CELF2: variants seen among roughly 807,000 people sequenced by gnomAD.
The protein encoded by CELF2 is CUG triplet repeat RNA-binding protein 2.
CELF2 carries 8 observed loss-of-function variants against 62.6 expected under a neutral mutation model. That is an observed-to-expected ratio of 0.13 (90% CI 0.07 to 0.23). The LOEUF (loss-of-function observed/expected upper bound fraction) is 0.23, where lower values mean the gene tolerates loss of function less well. Among genes scored for constraint, CELF2 ranks in the 10% least tolerant of loss-of-function variants. The pLI, the probability that CELF2 is intolerant of heterozygous loss-of-function variation, is 1.00. For synonymous variants in CELF2, 258 were observed against 250.0 expected (o/e 1.03, Z -0.30); for missense variants, 333 against 671.0 (o/e 0.50, Z 5.56).
At chr10:10,906,441 G>A (rs952539691) in intron 1 of CELF2, among the ~76,000 whole-genome samples, 3 of 152,150 alleles carry the variant, frequency 2.0e-5, no homozygotes, top group African/African-American at 7.2e-5. Context: ...CTGCCCTCAT[G>A]GAATCTACAG....
At chr10:11,284,305 C>G (rs62650661) in intron 8 of CELF2, among the ~76,000 whole-genome samples, 1 of 1,842 alleles carries the variant, frequency 5.4e-4, no homozygotes, top group Non-Finnish European at 9.0e-4. Context: ...TGGTGGGTGG[C>G]TGAGGGATGA....
At chr10:11,323,523 T>C (rs2095563203) in intron 11 of CELF2, among the ~76,000 whole-genome samples, 2 of 152,020 alleles carry the variant, frequency 1.3e-5, no homozygotes, top group South Asian at 4.2e-4. Flanking sequence ...GTGTGTTTTT[T>C]CCCCAGACAG....
the CELF2 span, among the ~76,000 whole-genome samples, chr10:10,476,981 A>T: frequency 6.6e-6 from 1 of 152,206 alleles, no homozygotes; most frequent in Non-Finnish European, 1.5e-5. Flanking sequence ...TGTAATTGAA[A>T]TTATTCTTAT....
the CELF2 span, among the ~76,000 whole-genome samples, chr10:10,732,077 T>A: frequency 6.6e-6 from 1 of 152,088 alleles, no homozygotes; most frequent in Non-Finnish European, 1.5e-5. Context: ...CAAAAACCCC[T>A]AACTCATGAT....
intron 1 of CELF2, among the ~76,000 whole-genome samples, chr10:11,086,610 A>AAAC (rs1594927416): frequency 7.4e-6 from 1 of 134,412 alleles, no homozygotes. Context: ...AAAAAAAAAA[A>AAAC]CTCCCGACAG....
the CELF2 span, among the ~76,000 whole-genome samples, chr10:10,669,988 T>TGCTTCCCAGTCA: frequency 6.7e-6 from 1 of 150,158 alleles, no homozygotes; most frequent in Non-Finnish European, 1.5e-5. Flanking sequence ...CTGCAATGTC[T>TGCTTCCCAGTCA]GCTTCCCAGG....
intron 3 of CELF2, among the ~76,000 whole-genome samples, chr10:11,222,024 T>C (rs538784524): frequency 2.0e-5 from 3 of 152,320 alleles, no homozygotes; most frequent in African/African-American, 7.2e-5. Context: ...GTGGAGTGAA[T>C]GGGCCCCTTC....
chr10:11,160,422 A>G (rs573237277), intron 1 of CELF2, among the ~76,000 whole-genome samples: 1 of 152,328 alleles, frequency 6.6e-6, no homozygotes, highest in East Asian at 1.9e-4. Context: ...CTCCCATGCA[A>G]TGATGTTTAG....
the CELF2 span, among the ~76,000 whole-genome samples, chr10:10,686,315 G>GA: frequency 4.4e-5 from 3 of 67,456 alleles, no homozygotes; most frequent in Non-Finnish European, 7.8e-5. Context: ...TTTTTTGGGG[G>GA]GGGGGGTGGG....
chr10:10,522,041 G>A, the CELF2 span, among the ~76,000 whole-genome samples: 1 of 152,172 alleles, frequency 6.6e-6, no homozygotes, highest in Non-Finnish European at 1.5e-5. Context: ...ATCTCCTGGT[G>A]AAGTCACCTT....
Position 11,321,308 on chromosome 10 carries a change from T to C in CELF2, c.1216T>C (p.Tyr406His). ...LTQAYSGIQQ[Y>H]AAAALPTLYS... ...CCAGGCCTACTCAGGAATTCAACAG[T>C]ACGCAGCCGCCGCGCTGCCCACTCT... The change falls in exon 11 of 13, where the codon TAC becomes CAC. Residue 406 changes from tyrosine to histidine, a missense_variant. By Grantham distance (83) the Tyr-to-His change is moderately conservative. Around this residue, in one of 3 missense-constraint regions of CELF2, gnomAD observed 253 missense variants for 503.0 expected, o/e 0.50. Transcript: ENST00000633077. This position sits in a 1 kb window ranked among gnomAD's most constrained non-coding sequence, Gnocchi z 6.2. 1 of 1,613,550 alleles carries C rather than the reference T, an allele frequency of 6.2e-7. No individual in the cohort carries two copies. The highest frequency in any genetic ancestry group is 8.5e-7 in the Non-Finnish European group (1 of 1,179,978).
the CELF2 span, among the ~76,000 whole-genome samples, chr10:10,647,824 G>T: frequency 6.6e-6 from 1 of 152,148 alleles, no homozygotes; most frequent in African/African-American, 2.4e-5. Context: ...ATTCCAAAAA[G>T]ATTCCATGGG....
chr10:10,598,787 G>T, the CELF2 span, among the ~76,000 whole-genome samples: 4 of 83,460 alleles, frequency 4.8e-5, no homozygotes, highest in East Asian at 6.1e-4. Context: ...TTGAGACAGA[G>T]TCTCCCTCTG....
chr10:10,811,038 C>T (rs2055827570), intron 1 of CELF2, among the ~76,000 whole-genome samples: 1 of 152,148 alleles, frequency 6.6e-6, no homozygotes, highest in Non-Finnish European at 1.5e-5. Context: ...ATCAAAATGT[C>T]TCCTCGCTGT....
At chr10:10,805,644 A>T (rs1830513231) in intron 1 of CELF2, among the ~76,000 whole-genome samples, 1 of 151,992 alleles carries the variant, frequency 6.6e-6, no homozygotes, top group South Asian at 2.1e-4. Context: ...AGGGGGGGAG[A>T]CGGGTGGATG....
intron 1 of CELF2, among the ~76,000 whole-genome samples, chr10:10,821,121 A>T (rs1433873433): frequency 6.6e-6 from 1 of 152,182 alleles, no homozygotes; most frequent in Non-Finnish European, 1.5e-5. Flanking sequence ...GGTTTCTGGT[A>T]TGGGTGGGGG....
chr10:10,958,861 A>G (rs888890193), intron 2 of CELF2, among the ~76,000 whole-genome samples: 1 of 152,112 alleles, frequency 6.6e-6, no homozygotes. Context: ...AAAGAAAAAG[A>G]AAACAAAGAA....
At position 11,084,766 on chromosome 10, in the gene CELF2, C is replaced by T. The variant is rs148804560; in HGVS notation, c.74+66603C>T. Among the ~76,000 whole-genome samples, 378 of 152,108 alleles carry T rather than the reference C, an allele frequency of 2.5e-3. 1 individual carries two copies. Among genetic ancestry groups the T allele is most frequent in the African/African-American group, 8.5e-3 (354 of 41,428 alleles). On this transcript the variant is annotated intron_variant, in intron 1 of 12. Transcript: ENST00000633077. ...AGAGAATAAAAGAAAAAAAAACCCA[C>T]GGTCTCATTTTCTAAGGTCTGCCCA...
chr10:10,526,119 G>T, the CELF2 span, among the ~76,000 whole-genome samples: 1 of 152,128 alleles, frequency 6.6e-6, no homozygotes, highest in Non-Finnish European at 1.5e-5. Flanking sequence ...TTTCTAAGTT[G>T]CTTAGCTCTT....
Sources: gnomAD v4.1 joint callset for allele counts (sites outside exome capture counted in the v4.1 genomes callset) on GRCh38, gnomAD v4.1.1 for gene constraint, gnomAD v4.1.1 regional missense constraint, Gnocchi (gnomAD v3.1) non-coding constraint, MANE v1.5 for transcripts, NCBI Gene and HGNC (gene_info 2026-07-23, HGNC 2026-07-21) for gene names.